Variants in AK8 observed in about 807,000 individuals in gnomAD.
AK8 encodes the protein adenylate kinase 8, also known as ATP-AMP transphosphorylase 8.
In AK8, 44 loss-of-function variants were observed where a neutral mutation model predicts 54.6. That is an observed-to-expected ratio of 0.81 (90% CI 0.63 to 1.04). The LOEUF is 1.04. Among genes scored for constraint, AK8 ranks in the 50% least tolerant of loss-of-function variants. The pLI is 0.00. For missense variants in AK8, 555 were observed against 613.6 expected, an observed-to-expected ratio of 0.90 and a Z score of 1.01; for synonymous variants, 239 against 245.6, an observed-to-expected ratio of 0.97 and a Z score of 0.25.
At chr9:132,793,208 C>G (rs1840021583) in intron 10 of AK8, among the ~76,000 whole-genome samples, 1 of 152,188 alleles carries the variant, frequency 6.6e-6, no homozygotes, top group Non-Finnish European at 1.5e-5. Context: ...TCATCCTCAC[C>G]TGGTGGAAGG....
intron 5 of AK8, among the ~76,000 whole-genome samples, chr9:132,829,599 T>TA (rs35603781): frequency 0.42 from 61,865 of 148,306 alleles, 14,112 homozygotes; most frequent in South Asian, 0.6. Flanking sequence ...CCATTTTTCT[T>TA]AAAAAAAAAA....
rs1375080457 is a variant in AK8, at chr9:132,814,648, C to A, written c.969G>T (p.Lys323Asn). 6.2e-7 allele frequency: 1 copy of A among 1,614,014 alleles called. No homozygotes were observed. The highest frequency in any genetic ancestry group is 1.7e-5 in the Admixed American group (1 of 59,994). The change falls in exon 10 of 13, where the codon AAG (lysine) becomes AAT (asparagine). Residue 323 changes from lysine (K) to asparagine (N), a missense_variant. Physicochemically the swap from Lys to Asn is moderately conservative, Grantham distance 94 (BLOSUM62 0). Transcript: ENST00000298545. Reference sequence around the variant, plus strand: ...GGGAACGTGGCCTACCTGCCATCTCCTTTTCAAAGAAGGGCTGGATGAGCT... The same window carrying A: ...GGGAACGTGGCCTACCTGCCATCTCATTTTCAAAGAAGGGCTGGATGAGCT... ...FGELIQPFFE[K>N]EMAVPDSLLM...
chr9:132,819,163 A>T (rs1263591837), intron 9 of AK8, among the ~76,000 whole-genome samples: 1 of 152,210 alleles, frequency 6.6e-6, no homozygotes, highest in East Asian at 1.9e-4. Flanking sequence ...CACAGATTGA[A>T]AATATCTGGG....
chr9:132,757,476 T>C (rs534686933), intron 11 of AK8, among the ~76,000 whole-genome samples: 1 of 152,342 alleles, frequency 6.6e-6, no homozygotes, highest in East Asian at 1.9e-4. Flanking sequence ...GTTAATCCCA[T>C]CCTGTATGGG....
At chr9:132,845,388 T>C (rs1842707773) in intron 5 of AK8, among the ~76,000 whole-genome samples, 1 of 152,266 alleles carries the variant, frequency 6.6e-6, no homozygotes, top group African/African-American at 2.4e-5. Context: ...TTGGGATGCA[T>C]GGTCCTGTAC....
chr9:132,739,807 C>T (rs1837284463), intron 11 of AK8, among the ~76,000 whole-genome samples: 1 of 152,210 alleles, frequency 6.6e-6, no homozygotes, highest in African/African-American at 2.4e-5. Context: ...CTCTGTGTAC[C>T]AACAGCAACA....
At chr9:132,854,107 A>T (rs772139409) in intron 5 of AK8, among the ~76,000 whole-genome samples, 52 of 152,330 alleles carry the variant, frequency 3.4e-4, no homozygotes, top group Non-Finnish European at 6.8e-4. Context: ...AGGCTGAGAC[A>T]GGAGGATCAC....
At chr9:132,863,560 A>G (rs1843473910) in intron 4 of AK8, 105 bp downstream of exon 4, 1 of 750,340 alleles carries the variant, frequency 1.3e-6, no homozygotes, top group Non-Finnish European at 2.2e-6. Context: ...CTTGTACTCA[A>G]TCAAAAATGA....
intron 10 of AK8, among the ~76,000 whole-genome samples, chr9:132,797,559 A>AGG (rs1418930735): frequency 6.6e-6 from 1 of 151,300 alleles, no homozygotes; most frequent in Non-Finnish European, 1.5e-5. Context: ...GTTTGTTGGG[A>AGG]GGGGTCTCTG....
intron 2 of AK8, among the ~76,000 whole-genome samples, chr9:132,869,877 T>G (rs1324913406): frequency 6.6e-6 from 1 of 151,858 alleles, no homozygotes; most frequent in Non-Finnish European, 1.5e-5. Flanking sequence ...GTGTGGATCA[T>G]GGAGAGAGCG....
At chr9:132,795,334 C>T (rs1840112765) in intron 10 of AK8, among the ~76,000 whole-genome samples, 3 of 152,150 alleles carry the variant, frequency 2.0e-5, no homozygotes, top group African/African-American at 7.2e-5. Context: ...CTATAGACCC[C>T]CTGTACACTC....
At chr9:132,738,288 C>T (rs1328417863) in intron 11 of AK8, among the ~76,000 whole-genome samples, 2 of 151,970 alleles carry the variant, frequency 1.3e-5, no homozygotes, top group Non-Finnish European at 1.5e-5. Flanking sequence ...TTCCTGACCT[C>T]GTGATCTGCC....
At chr9:132,732,668 A>T (rs1169211230) in intron 11 of AK8, among the ~76,000 whole-genome samples, 2 of 152,108 alleles carry the variant, frequency 1.3e-5, no homozygotes, top group African/African-American at 4.8e-5. Context: ...ACCCAAAGAG[A>T]GCGTAACTGA....
At chr9:132,825,282 G>T (rs1841826502) in intron 8 of AK8, among the ~76,000 whole-genome samples, 1 of 152,118 alleles carries the variant, frequency 6.6e-6, no homozygotes, top group African/African-American at 2.4e-5. Context: ...AGAGAATTCT[G>T]CATTCCAATT....
At position 132,803,435 on chromosome 9, in the gene AK8, T is replaced by C. The variant is rs1840559926; in HGVS notation, c.980-10660A>G. ...CACACCCGACAGGACTTGCTGTGAG[T>C]ACCATTACTACCACTAAGATGATGA... is the stretch of plus-strand genomic sequence containing the variant. On this transcript the variant is annotated intron_variant, in intron 10 of 12. Transcript: ENST00000298545. This position sits in a 1 kb window ranked among gnomAD's most constrained non-coding sequence, Gnocchi z 4.4. Among the ~76,000 whole-genome samples, 1 of 152,160 alleles carries C rather than the reference T, an allele frequency of 6.6e-6. No homozygotes were observed. Among genetic ancestry groups the C allele is most frequent in the Non-Finnish European group, 1.5e-5 (1 of 68,030 alleles).
Position 132,725,776 on chromosome 9 carries a change from A to G in AK8, c.1352T>C (p.Ile451Thr). ...TGGGTCCTGGTCCCCATTGAGGGTG[A>G]TGGCCGACCCATACAACTGCTCCAA... The part of the protein sequence containing the change: ...ADLEQLYGSA[I>T]TLNGDQDPYT... Residue 451 changes from isoleucine to threonine, a missense_variant, in exon 13 of 13, where the codon ATC becomes ACC. Physicochemically the swap from Ile to Thr is moderately conservative, Grantham distance 89. Coordinates refer to ENST00000298545, the MANE Select transcript of AK8 (RefSeq NM_152572.3). 6.2e-7 allele frequency: 1 copy of G among 1,601,404 alleles called. No homozygotes were observed. The highest frequency in any genetic ancestry group is 8.5e-7 in the Non-Finnish European group (1 of 1,174,238).
At chr9:132,858,255 G>A (rs1843256021) in intron 4 of AK8, among the ~76,000 whole-genome samples, 3 of 152,234 alleles carry the variant, frequency 2.0e-5, no homozygotes, top group Admixed American at 1.3e-4. Context: ...CCCGGCCTGG[G>A]GGCAGACTCG....
intron 11 of AK8, among the ~76,000 whole-genome samples, chr9:132,779,555 C>T (rs992883856): frequency 2.6e-5 from 4 of 152,220 alleles, no homozygotes; most frequent in African/African-American, 9.6e-5. Context: ...GAATAAGAGT[C>T]GGCCCTGACA....
chr9:132,846,070 A>C (rs957938842), intron 5 of AK8, among the ~76,000 whole-genome samples: 1 of 152,210 alleles, frequency 6.6e-6, no homozygotes, highest in Non-Finnish European at 1.5e-5. Context: ...GAGGCCCTGC[A>C]TCTCTGGATT....
Sources: allele counts gnomAD v4.1 joint callset (sites outside exome capture counted in the v4.1 genomes callset), GRCh38; gene constraint gnomAD v4.1.1; non-coding constraint Gnocchi (gnomAD v3.1); transcripts MANE v1.5; gene names NCBI Gene and HGNC (gene_info 2026-07-23, HGNC 2026-07-21).